The following KLK1 variants were observed in gnomAD, a reference collection of about 807,000 sequenced individuals.
KLK1 encodes the protein kallikrein 1.
KLK1 carries 22 observed loss-of-function variants against 23.3 expected under a neutral mutation model. That is an observed-to-expected ratio of 0.95 (90% CI 0.68 to 1.35). The LOEUF (loss-of-function observed/expected upper bound fraction) is 1.35. Ranked by LOEUF, KLK1 falls within the 40% of genes most tolerant of loss-of-function variation. The probability of loss-of-function intolerance (pLI) is 0.00; values close to 1 mark genes in which losing one functional copy is unlikely to be tolerated. For synonymous variants in KLK1, 140 were observed against 135.8 expected, an observed-to-expected ratio of 1.03 and a Z score of -0.21; for missense variants, 301 against 338.9, an observed-to-expected ratio of 0.89 and a Z score of 0.88.
intron 1 of KLK1, chr19:50,822,981 G>T: frequency 2.2e-6 from 2 of 900,858 alleles, no homozygotes; most frequent in Non-Finnish European, 2.7e-6. Context: ...GGCAGAGAAG[G>T]GCTGGGGCCT....
intron 1 of KLK1, among the ~76,000 whole-genome samples, chr19:50,823,379 C>G (rs138744030): frequency 6.6e-6 from 1 of 152,008 alleles, no homozygotes; most frequent in African/African-American, 2.4e-5. Flanking sequence ...CAGAGAGAGA[C>G]AGAGATGGCC....
chr19:50,819,903 C>G lies in KLK1; in HGVS notation c.629G>C (p.Cys210Ser), dbSNP rs1328080713. Residue 210 changes from cysteine to serine, a missense_variant, in exon 4 of 5, where the codon TGT becomes TCT. By Grantham distance (112) the Cys-to-Ser change is moderately radical. Coordinates refer to ENST00000301420, the MANE Select transcript of KLK1 (RefSeq NM_002257.4). ...VGHLEGGKDT[C>S]VGDSGGPLMC... ...CTGGGGGCAGGGCTGCCTCACCACA[C>G]AGGTGTCTTTGCCACCTTCCAGGTG... The G allele has an allele frequency of 6.2e-7, 1 of 1,614,104 alleles. No homozygotes were observed. Among genetic ancestry groups the G allele is most frequent in the Non-Finnish European group, 8.5e-7 (1 of 1,179,988 alleles).
In KLK1 at chr19:50,821,994, G is replaced by T; in HGVS notation, c.47-123C>A. The stretch of plus-strand genomic sequence containing the variant: ...TGCGGGTAGAGGACCAGGGCTGGAG[G>T]TTGGGGACATGGGCAAGGGGTGTTG... On this transcript the variant is annotated intron_variant, in intron 1 of 4. Transcript: ENST00000301420. The surrounding 1 kb of genome is among the most constrained non-coding windows in gnomAD (Gnocchi z 5.6). The T allele has an allele frequency of 1.4e-6, 2 of 1,449,918 alleles. No individual in the cohort carries two copies. The highest frequency in any genetic ancestry group is 1.5e-5 in the South Asian group (1 of 68,612). The allele number at this position is 1,449,918 out of a possible 1,614,324, so 89.8% of individuals were successfully genotyped here. A position where few individuals can be genotyped will look rare whatever the true frequency, so the allele number is the denominator to read the frequency against.
chr19:50,823,607 T>C (rs1285701948), intron 1 of KLK1, 96 bp downstream of exon 1: 2 of 658,108 alleles, frequency 3.0e-6, no homozygotes, highest in Non-Finnish European at 5.0e-6. Flanking sequence ...GGGATGAGGG[T>C]GGGGTGTTGG....
intron 2 of KLK1, chr19:50,820,671 T>A (rs578089197): frequency 4.6e-6 from 2 of 432,410 alleles, no homozygotes; most frequent in Non-Finnish European, 8.2e-6. Flanking sequence ...AAAAAAGAGC[T>A]CAAAAGGACA....
At chr19:50,820,506 G>C in intron 2 of KLK1, 63 bp from the exon 3 acceptor site, 1 of 448,548 alleles carries the variant, frequency 2.2e-6, no homozygotes, top group East Asian at 4.8e-5. Context: ...TGGGGCAGGG[G>C]AGCATGGGGG....
Position 50,823,735 on chromosome 19 carries a change from A to G in KLK1, c.14T>C (p.Val5Ala), listed in dbSNP as rs985292278. MWFL[V>A]LCLALSLGGT... ...CCCCAGGGACAGGGCGAGGCACAGA[A>G]CCAGGAACCACATGGTGACAGAGGT... The change falls in exon 1 of 5, where the codon GTT becomes GCT. Residue 5 changes from valine (V) to alanine (A), a missense_variant. Transcript: ENST00000301420. 2 of 1,611,212 alleles carry G rather than the reference A, an allele frequency of 1.2e-6. No homozygotes were observed. The highest frequency in any genetic ancestry group is 1.7e-6 in the Non-Finnish European group (2 of 1,177,930).
rs2089831243 is a variant in KLK1, at chr19:50,821,963, G to A, written c.47-92C>T. On this transcript the variant is annotated intron_variant, in intron 1 of 4. Coordinates refer to ENST00000301420, the MANE Select transcript of KLK1 (RefSeq NM_002257.4). The surrounding 1 kb of genome is among the most constrained non-coding windows in gnomAD (Gnocchi z 5.6). ...AGGGAGCTGGGCTGTGGGTCTGAAG[G>A]GACATTGCGGGTAGAGGACCAGGGC... 1 of 1,494,696 alleles carries A rather than the reference G, an allele frequency of 6.7e-7. No homozygotes were observed. The highest frequency in any genetic ancestry group is 8.9e-7 in the Non-Finnish European group (1 of 1,122,886). The allele number at this position is 1,494,696 out of a possible 1,614,324, so 92.6% of individuals were successfully genotyped here.
chr19:50,822,785 G>A (rs2089835856), intron 1 of KLK1: 1 of 984,452 alleles, frequency 1.0e-6, no homozygotes, highest in African/African-American at 1.7e-5. Flanking sequence ...CCTAGGAAGA[G>A]GATTGGAGAA....
rs765839674 is a variant in KLK1 at position 50,821,082 on chromosome 19, TC to T, written c.206+629del. On this transcript the variant is annotated intron_variant, in intron 2 of 4. Transcript: ENST00000301420. The surrounding 1 kb of genome is among the most constrained non-coding windows in gnomAD (Gnocchi z 5.6). ...GTCCAAGGTCGAGGCCCCCTTCCCT[TC>T]CCAGCACCCTCCCGCGCGTTTCTCG... Among the ~76,000 whole-genome samples, 31 of 152,172 alleles carry T rather than the reference TC, an allele frequency of 2.0e-4. No homozygotes were observed. In the East Asian group the frequency reaches 3.7e-3, roughly 18 times the overall value.
chr19:50,823,633 CGG>C, intron 1 of KLK1, 68 bp downstream of exon 1: 1 of 999,118 alleles, frequency 1.0e-6, no homozygotes, highest in Non-Finnish European at 1.5e-6. Flanking sequence ...AAGGTCTTAT[CGG>C]GGGGGGATGT....
Position 50,820,082 on chromosome 19 carries a change from C to T in KLK1, c.497-47G>A, listed in dbSNP as rs200411556. On this transcript the variant is annotated intron_variant, in intron 3 of 4. Transcript: ENST00000301420. ...GGCTGCAGCCCGACCTCACCTGCTT[C>T]CCTGGCCCTTTCTCCCTTGGACGCA... is the stretch of plus-strand genomic sequence containing the variant. 8.1e-4 allele frequency: 1,301 copies of T among 1,611,394 alleles called. 13 individuals are homozygous for T. In the South Asian group the frequency reaches 8.1e-3, roughly 10 times the overall value.
chr19:50,820,137 AG>A lies in KLK1; in HGVS notation c.496+16del, dbSNP rs2089814376. 1.3e-6 allele frequency: 2 copies of A among 1,599,724 alleles called. No individual in the cohort carries two copies. Among genetic ancestry groups the A allele is most frequent in the Non-Finnish European group, 1.7e-6 (2 of 1,171,262 alleles). On this transcript the variant is annotated intron_variant, in intron 3 of 4. Coordinates refer to ENST00000301420, the MANE Select transcript of KLK1 (RefSeq NM_002257.4). ...TCCCCATCCCCGCCTTGGGCTACAC[AG>A]TCTGCCCCCACATACAATTCTCTGG...
At chr19:50,820,113 C>A in intron 3 of KLK1, 41 bp downstream of exon 3, 1 of 1,603,658 alleles carries the variant, frequency 6.2e-7, no homozygotes, top group South Asian at 1.1e-5. Flanking sequence ...ACGCAGGAGT[C>A]CCCATCCCCG....
intron 2 of KLK1, 62 bp from the exon 3 acceptor site, chr19:50,820,505 G>GGGGGGGGGGGGGGGA: frequency 1.2e-6 from 1 of 832,910 alleles, no homozygotes; most frequent in South Asian, 1.8e-5. Context: ...ATGGGGCAGG[G>GGGGGGGGGGGGGGGA]GAGCATGGGG....
At position 50,820,141 on chromosome 19, in the gene KLK1, T is replaced by C; in HGVS notation, c.496+13A>G. On this transcript the variant is annotated intron_variant, in intron 3 of 4. Coordinates refer to ENST00000301420, the MANE Select transcript of KLK1 (RefSeq NM_002257.4). ...CATCCCCGCCTTGGGCTACACAGTCTGCCCCCACATACAATTCTCTGGTTC... is the reference window on the plus strand; with the variant it reads ...CATCCCCGCCTTGGGCTACACAGTCCGCCCCCACATACAATTCTCTGGTTC... 6.3e-7 allele frequency: 1 copy of C among 1,599,708 alleles called. No homozygotes were observed. Among genetic ancestry groups the C allele is most frequent in the Non-Finnish European group, 8.5e-7 (1 of 1,171,072 alleles).
chr19:50,823,243 T>A (rs535955732), intron 1 of KLK1, among the ~76,000 whole-genome samples: 1 of 151,896 alleles, frequency 6.6e-6, no homozygotes, highest in Admixed American at 6.5e-5. Context: ...ATGGAAAAAG[T>A]CACTGGAGTG....
At chr19:50,820,502 A>AATGGGGTTGGGGGGT in intron 2 of KLK1, 59 bp from the exon 3 acceptor site, 1 of 205,686 alleles carries the variant, frequency 4.9e-6, no homozygotes, top group Non-Finnish European at 9.2e-6. Context: ...GGGATGGGGC[A>AATGGGGTTGGGGGGT]GGGGAGCATG....
In KLK1 at chr19:50,822,974, A is replaced by G. The variant is rs73593349; in HGVS notation, c.46+729T>C. The G allele has an allele frequency of 8.7e-3, 8,108 of 935,962 alleles. 553 individuals carry two copies. The African/African-American group carries it at 0.13, about 15-fold the overall frequency. The allele number at this position is 935,962 out of a possible 1,614,324, so 58.0% of individuals were successfully genotyped here. A position where few individuals can be genotyped will look rare whatever the true frequency, so the allele number is the denominator to read the frequency against. Reference sequence around the variant, plus strand: ...AGAGCTGTGTAGGAACAATTCAGGCAGAGAAGGGCTGGGGCCTGGGGCGGG... The same window carrying G: ...AGAGCTGTGTAGGAACAATTCAGGCGGAGAAGGGCTGGGGCCTGGGGCGGG... On this transcript the variant is annotated intron_variant, in intron 1 of 4. Transcript: ENST00000301420.
Sources: gnomAD v4.1 joint callset for allele counts (sites outside exome capture counted in the v4.1 genomes callset) on GRCh38, gnomAD v4.1.1 for gene constraint, Gnocchi (gnomAD v3.1) non-coding constraint, MANE v1.5 for transcripts, NCBI Gene and HGNC (gene_info 2026-07-23, HGNC 2026-07-21) for gene names.